The following CFAP299 variants were observed in gnomAD, a reference collection of about 807,000 sequenced individuals.
CFAP299 encodes cilia- and flagella-associated protein 299.
CFAP299 carries 21 observed loss-of-function variants against 27.0 expected under a neutral mutation model. That is an observed-to-expected ratio of 0.78 (90% CI 0.55 to 1.12). The LOEUF (loss-of-function observed/expected upper bound fraction) is 1.12, where lower values mean the gene tolerates loss of function less well. Among genes scored for constraint, CFAP299 ranks in the 50% most tolerant of loss-of-function variants. The probability of loss-of-function intolerance (pLI) is 0.00; values close to 1 mark genes in which losing one functional copy is unlikely to be tolerated. For synonymous variants in CFAP299, 104 were observed against 98.1 expected, an observed-to-expected ratio of 1.06 and a Z score of -0.36; for missense variants, 310 against 276.6, an observed-to-expected ratio of 1.12 and a Z score of -0.86.
chr4:80,926,482 T>G (rs1736311752), intron 4 of CFAP299, among the ~76,000 whole-genome samples: 1 of 151,918 alleles, frequency 6.6e-6, no homozygotes, highest in Non-Finnish European at 1.5e-5. Context: ...TGATGTACAA[T>G]GAAATATTTG....
chr4:80,893,380 A>T (rs1381544461), intron 4 of CFAP299, among the ~76,000 whole-genome samples: 2 of 151,998 alleles, frequency 1.3e-5, no homozygotes, highest in African/African-American at 4.8e-5. Flanking sequence ...AAATCCTAAA[A>T]TTCATACAGA....
chr4:80,678,469 CT>C (rs1157242158), intron 3 of CFAP299, among the ~76,000 whole-genome samples: 2 of 151,834 alleles, frequency 1.3e-5, no homozygotes, highest in African/African-American at 4.8e-5. Flanking sequence ...TATAAATTAC[CT>C]TCTTTAGATC....
At chr4:80,920,702 A>G (rs753738379) in intron 4 of CFAP299, among the ~76,000 whole-genome samples, 6 of 152,114 alleles carry the variant, frequency 3.9e-5, no homozygotes, top group Admixed American at 6.6e-5. Context: ...TCTGAATCTC[A>G]GTGACCACTT....
chr4:80,396,683 A>G, intron 2 of CFAP299, among the ~76,000 whole-genome samples: 1 of 152,108 alleles, frequency 6.6e-6, no homozygotes, highest in African/African-American at 2.4e-5. Flanking sequence ...GATTACGTTT[A>G]TTGATTTGTG....
intron 3 of CFAP299, among the ~76,000 whole-genome samples, chr4:80,843,163 G>A (rs1730958949): frequency 6.6e-6 from 1 of 151,890 alleles, no homozygotes; most frequent in African/African-American, 2.4e-5. Flanking sequence ...CATGTGCCAT[G>A]TTGCTGTGCT....
intron 3 of CFAP299, among the ~76,000 whole-genome samples, chr4:80,838,742 A>G (rs146556842): frequency 1.5e-4 from 23 of 152,142 alleles, no homozygotes; most frequent in Admixed American, 1.3e-3. Context: ...TTTTGGCTAT[A>G]TGGGCCCTTT....
At chr4:80,625,525 C>T (rs1227773313) in intron 3 of CFAP299, among the ~76,000 whole-genome samples, 1 of 151,880 alleles carries the variant, frequency 6.6e-6, no homozygotes, top group Non-Finnish European at 1.5e-5. Context: ...AAATCCTTAC[C>T]TGTCAATAAT....
intron 5 of CFAP299, among the ~76,000 whole-genome samples, chr4:80,951,670 C>A (rs1737786354): frequency 6.6e-6 from 1 of 152,156 alleles, no homozygotes; most frequent in Non-Finnish European, 1.5e-5. Context: ...CCAGCAAATT[C>A]TATTTTTAAA....
intron 2 of CFAP299, among the ~76,000 whole-genome samples, chr4:80,410,204 A>G (rs1459322385): frequency 6.6e-6 from 1 of 152,220 alleles, no homozygotes; most frequent in Non-Finnish European, 1.5e-5. Flanking sequence ...GAAAAAGTTC[A>G]GTTGGTCATA....
At chr4:80,859,188 C>G (rs565182984) in intron 3 of CFAP299, among the ~76,000 whole-genome samples, 1,753 of 152,126 alleles carry the variant, frequency 0.012, 32 homozygotes, top group African/African-American at 0.039. Context: ...CTCTTTTGAT[C>G]TTTGTTGGTT....
intron 4 of CFAP299, among the ~76,000 whole-genome samples, chr4:80,895,483 GTTAT>G (rs766492420): frequency 2.6e-5 from 4 of 151,780 alleles, no homozygotes; most frequent in Non-Finnish European, 4.4e-5. Context: ...GAAAAGTCAG[GTTAT>G]TTGTTTTCTG....
intron 3 of CFAP299, among the ~76,000 whole-genome samples, chr4:80,584,492 A>C (rs1736333193): frequency 6.6e-6 from 1 of 152,032 alleles, no homozygotes; most frequent in Non-Finnish European, 1.5e-5. Flanking sequence ...TGAGACAATA[A>C]TTTCCAATTT....
chr4:80,438,893 A>G (rs1458412474), intron 2 of CFAP299, among the ~76,000 whole-genome samples: 1 of 152,204 alleles, frequency 6.6e-6, no homozygotes, highest in Non-Finnish European at 1.5e-5. Context: ...ACAGCACAAT[A>G]GTATGTCTTT....
At chr4:80,764,965 G>T (rs1288828601) in intron 3 of CFAP299, among the ~76,000 whole-genome samples, 7 of 152,108 alleles carry the variant, frequency 4.6e-5, no homozygotes, top group African/African-American at 1.7e-4. Flanking sequence ...GGGAGGGATA[G>T]CATAAGGACA....
At chr4:80,809,647 AC>A (rs1560423807) in intron 3 of CFAP299, among the ~76,000 whole-genome samples, 1 of 152,034 alleles carries the variant, frequency 6.6e-6, no homozygotes. Context: ...TATTCTGAAC[AC>A]TAGTCATTGG....
intron 2 of CFAP299, among the ~76,000 whole-genome samples, chr4:80,450,633 C>G (rs1340566014): frequency 6.6e-6 from 1 of 151,840 alleles, no homozygotes; most frequent in Non-Finnish European, 1.5e-5. Flanking sequence ...ATGAAGAATT[C>G]TTTTTAAACT....
At chr4:80,547,262 TAACA>T (rs1256245367) in intron 2 of CFAP299, among the ~76,000 whole-genome samples, 1 of 151,952 alleles carries the variant, frequency 6.6e-6, no homozygotes, top group African/African-American at 2.4e-5. Context: ...GAGTCAACAA[TAACA>T]AACAATGAGG....
chr4:80,494,041 C>T (rs1355379383), intron 2 of CFAP299, among the ~76,000 whole-genome samples: 1 of 152,062 alleles, frequency 6.6e-6, no homozygotes. Context: ...TCCCAAAGTG[C>T]TGGGATTACA....
intron 3 of CFAP299, among the ~76,000 whole-genome samples, chr4:80,727,970 A>C (rs1723254101): frequency 6.6e-6 from 1 of 151,960 alleles, no homozygotes; most frequent in African/African-American, 2.4e-5. Context: ...TTGAGATTCA[A>C]ATTATTTGTT....
Sources: gnomAD v4.1 joint callset for allele counts (sites outside exome capture counted in the v4.1 genomes callset) on GRCh38, gnomAD v4.1.1 for gene constraint, MANE v1.5 for transcripts, NCBI Gene and HGNC (gene_info 2026-07-23, HGNC 2026-07-21) for gene names.